The following ZBTB20 variants were observed in gnomAD, a reference collection of about 807,000 sequenced individuals.
ZBTB20 encodes the protein zinc finger and BTB domain-containing protein 20.
Under a neutral mutation model 56.9 loss-of-function variants are expected in ZBTB20, and 9 were observed. The observed-to-expected ratio is 0.16, with a 90% CI of 0.10 to 0.28. The LOEUF (loss-of-function observed/expected upper bound fraction) is 0.28. ZBTB20 is among the 10% of genes least tolerant of loss of function. The probability of loss-of-function intolerance (pLI) is 1.00; values close to 1 mark genes in which losing one functional copy is unlikely to be tolerated. For missense variants in ZBTB20, 655 were observed against 1,003.0 expected (o/e 0.65, Z 4.69); for synonymous variants, 417 against 420.7 (o/e 0.99, Z 0.11).
At chr3:114,965,246 T>C (rs1560444253) in intron 3 of ZBTB20, among the ~76,000 whole-genome samples, 1 of 152,238 alleles carries the variant, frequency 6.6e-6, no homozygotes, top group African/African-American at 2.4e-5. Flanking sequence ...AAGTTGTATA[T>C]ACTTATGATA....
chr3:114,685,978 G>GAAT (rs1312022115), intron 6 of ZBTB20, among the ~76,000 whole-genome samples: 1 of 151,918 alleles, frequency 6.6e-6, no homozygotes, highest in East Asian at 1.9e-4. Flanking sequence ...AATCTTTATA[G>GAAT]AACATTCAAA....
chr3:114,359,959 T>A (rs2081637648), intron 10 of ZBTB20, among the ~76,000 whole-genome samples: 1 of 152,192 alleles, frequency 6.6e-6, no homozygotes, highest in South Asian at 2.1e-4. Context: ...GTTCAAAGAT[T>A]CAGTATAACT....
chr3:114,945,215 A>G (rs1350464644), intron 3 of ZBTB20, among the ~76,000 whole-genome samples: 7 of 145,560 alleles, frequency 4.8e-5, no homozygotes, highest in Non-Finnish European at 8.9e-5. Flanking sequence ...CAAAATAAGA[A>G]TATTTTCAGA....
Position 114,377,538 on chromosome 3 carries a change from C to A in ZBTB20, c.199+2679G>T, listed in dbSNP as rs932575685. Reference sequence around the variant, plus strand: ...TGCAAAAAAGATGGTGGCTTACCCACCCATGTCAGTTCATATGCAGAGCTG... The same window carrying A: ...TGCAAAAAAGATGGTGGCTTACCCAACCATGTCAGTTCATATGCAGAGCTG... On this transcript the variant is annotated intron_variant, in intron 10 of 11. Transcript: ENST00000675478. Among the ~76,000 whole-genome samples, 15 of 152,136 alleles carry A rather than the reference C, an allele frequency of 9.9e-5. 1 individual carries two copies.
At chr3:114,607,794 ACT>A (rs377676630) in intron 6 of ZBTB20, among the ~76,000 whole-genome samples, 28 of 152,168 alleles carry the variant, frequency 1.8e-4, no homozygotes, top group African/African-American at 6.8e-4. Context: ...AATAGGGAAC[ACT>A]CTGTAAATAC....
Position 114,945,396 on chromosome 3 carries a change from T to C in ZBTB20, c.-456+28970A>G, listed in dbSNP as rs536464478. 4.8e-5 allele frequency among the ~76,000 whole-genome samples: 7 copies of C among 144,886 alleles called. No homozygotes were observed. In the East Asian group the frequency reaches 1.2e-3, roughly 24 times the overall value. ...AAGTATAGAAAAATAATAAAAATAA[T>C]GTTTTAGGAATTAGAGCACTTGAAG... On this transcript the variant is annotated intron_variant, in intron 3 of 11. Coordinates refer to ENST00000675478, the MANE Select transcript of ZBTB20 (RefSeq NM_001348800.3).
At chr3:114,634,117 A>G (rs1047042307) in intron 6 of ZBTB20, among the ~76,000 whole-genome samples, 1 of 149,818 alleles carries the variant, frequency 6.7e-6, no homozygotes, top group Non-Finnish European at 1.5e-5. Flanking sequence ...AATTAACTAG[A>G]GACCATGTTA....
rs533977402 is a variant in ZBTB20, at chr3:114,850,336, G to A, written c.-416-49162C>T. ...TCAGCCACGACCAAAATATAAACAG[G>A]ATTTTTCATAGGGAGTAGATGGTGT... On this transcript the variant is annotated intron_variant, in intron 4 of 11. Transcript: ENST00000675478. 4.6e-5 allele frequency among the ~76,000 whole-genome samples: 7 copies of A among 152,262 alleles called. No individual in the cohort carries two copies. The South Asian group carries it at 6.2e-4, about 14-fold the overall frequency.
chr3:114,430,305 A>G (rs1171866513), intron 7 of ZBTB20, among the ~76,000 whole-genome samples: 2 of 152,192 alleles, frequency 1.3e-5, no homozygotes. Context: ...GATTGTTTCC[A>G]TTTCTTCTGG....
rs1448444802 is a variant in ZBTB20 at position 114,325,482 on chromosome 3, G to C, written c.*13523C>G. On this transcript the variant is annotated 3_prime_UTR_variant, in exon 12 of 12. Coordinates refer to ENST00000675478, the MANE Select transcript of ZBTB20 (RefSeq NM_001348800.3). ...GATAGCACATTAGGTATAGAAGTCA[G>C]GAGTTTCTACAATTTCTCTAGAAGT... The C allele has an allele frequency of 6.6e-6, 1 of 152,150 alleles. No homozygotes were observed. The highest frequency in any genetic ancestry group is 1.5e-5 in the Non-Finnish European group (1 of 68,032). 9.4% of individuals were successfully genotyped at this position (152,150 alleles called of 1,614,324 possible).
chr3:114,434,558 T>TTG (rs71146320), intron 7 of ZBTB20, among the ~76,000 whole-genome samples: 48 of 146,048 alleles, frequency 3.3e-4, no homozygotes, highest in African/African-American at 1.0e-3. Context: ...GTGTGTGTGT[T>TTG]TGTGTGTGTG....
chr3:114,932,113 G>A (rs1445294633), intron 3 of ZBTB20, among the ~76,000 whole-genome samples: 1 of 152,182 alleles, frequency 6.6e-6, no homozygotes, highest in African/African-American at 2.4e-5. Flanking sequence ...AGGAAATTCT[G>A]CTGAAGCTGT....
rs2078681035 is a variant in ZBTB20 at position 114,316,263 on chromosome 3, T to C, written c.*22742A>G. 3.0e-6 allele frequency: 1 copy of C among 331,832 alleles called. No homozygotes were observed. The highest frequency in any genetic ancestry group is 5.6e-6 in the Non-Finnish European group (1 of 177,898). 20.6% of individuals were successfully genotyped at this position (331,832 alleles called of 1,614,324 possible). On this transcript the variant is annotated 3_prime_UTR_variant, in exon 12 of 12. Transcript: ENST00000675478. Reference sequence around the variant, plus strand: ...CCCATTTTTCCTTTTTCACTAACACTGTTCCTTTTTTTCCTTGTTACAATC... The same window carrying C: ...CCCATTTTTCCTTTTTCACTAACACCGTTCCTTTTTTTCCTTGTTACAATC...
At chr3:114,641,700 T>C (rs2059572074) in intron 6 of ZBTB20, among the ~76,000 whole-genome samples, 1 of 151,896 alleles carries the variant, frequency 6.6e-6, no homozygotes, top group South Asian at 2.1e-4. Context: ...TTTTTGCTGA[T>C]ATTTTCCTAT....
intron 6 of ZBTB20, among the ~76,000 whole-genome samples, chr3:114,547,503 G>A (rs544313596): frequency 3.3e-4 from 50 of 152,298 alleles, no homozygotes; most frequent in South Asian, 1.7e-3. Flanking sequence ...AAAAATGATC[G>A]TAGTGCTGGG....
chr3:114,760,828 T>C (rs1523268), intron 5 of ZBTB20, among the ~76,000 whole-genome samples: 9,917 of 152,250 alleles, frequency 0.065, 353 homozygotes, highest in Middle Eastern at 0.13. Flanking sequence ...GGCAGGCTTC[T>C]ACTGCTTCTG....
chr3:114,462,998 G>T (rs1238594787), intron 7 of ZBTB20, among the ~76,000 whole-genome samples: 2 of 152,216 alleles, frequency 1.3e-5, no homozygotes, highest in Admixed American at 1.3e-4. Context: ...GTGTAGCAAA[G>T]ATTCTGTTTG....
chr3:114,721,404 T>C (rs2064902517), intron 5 of ZBTB20, among the ~76,000 whole-genome samples: 2 of 152,128 alleles, frequency 1.3e-5, no homozygotes, highest in African/African-American at 4.8e-5. Flanking sequence ...GTGATAAATA[T>C]CTGACTTCGG....
intron 3 of ZBTB20, among the ~76,000 whole-genome samples, chr3:114,955,669 A>G (rs550144315): frequency 6.6e-6 from 1 of 152,274 alleles, no homozygotes; most frequent in Admixed American, 6.6e-5. Flanking sequence ...TCATCTTCAA[A>G]TAGAAATGAT....
Sources: allele counts gnomAD v4.1 joint callset (sites outside exome capture counted in the v4.1 genomes callset), GRCh38; gene constraint gnomAD v4.1.1; transcripts MANE v1.5; gene names NCBI Gene and HGNC (gene_info 2026-07-23, HGNC 2026-07-21).